Variants in FABP4 observed in about 807,000 individuals in gnomAD.
FABP4 encodes the protein fatty acid binding protein 4.
In FABP4, 17 loss-of-function variants were observed where a neutral mutation model predicts 14.6. That is an observed-to-expected ratio of 1.16 (90% CI 0.80 to 1.74). FABP4 has a LOEUF of 1.74. Among genes scored for constraint, FABP4 ranks in the 40% most tolerant of loss-of-function variants. The pLI is 0.00. For synonymous variants in FABP4, 54 were observed against 54.6 expected, an observed-to-expected ratio of 0.99 and a Z score of 0.05; for missense variants, 149 against 160.3, an observed-to-expected ratio of 0.93 and a Z score of 0.38.
rs776736466 is a variant in FABP4 at position 81,480,609 on chromosome 8, G to GA, written c.74-12dup. 3.2e-5 allele frequency: 51 copies of GA among 1,590,172 alleles called. No homozygotes were observed. The highest frequency in any genetic ancestry group is 1.4e-4 in the South Asian group (12 of 87,404). On this transcript the variant is annotated splice_polypyrimidine_tract_variant and intron_variant, in intron 1 of 3. Transcript: ENST00000256104. ...TGGCAAAGCCCACTCCTACAGTTAGGAAAAGAAAAGATGTCAGATTTACAT... is the reference window on the plus strand; with the variant it reads ...TGGCAAAGCCCACTCCTACAGTTAGGAAAAAGAAAAGATGTCAGATTTACAT...
Position 81,479,383 on chromosome 8 carries a change from A to T in FABP4, c.348+31T>A, listed in dbSNP as rs201613836. The T allele has an allele frequency of 1.1e-5, 17 of 1,525,854 alleles. No individual in the cohort carries two copies. In the East Asian group the frequency reaches 3.6e-4, roughly 32 times the overall value. The allele number at this position is 1,525,854 out of a possible 1,614,324, so 94.5% of individuals were successfully genotyped here. On this transcript the variant is annotated intron_variant, in intron 3 of 3. Coordinates refer to ENST00000256104, the MANE Select transcript of FABP4 (RefSeq NM_001442.3). ...GATCATGAGATAACCTAGCAGTAAG[A>T]TCCAGAATTAAGTAGCTAGAAGATA...
chr8:81,478,856 TC>T lies in FABP4; in HGVS notation c.*8del. ...ATGCGAACTTCAGTCCAGGTCAACG[TC>T]CCTTGGCTTATGCTCTCTCATAAAC... On this transcript the variant is annotated 3_prime_UTR_variant, in exon 4 of 4. Transcript: ENST00000256104. 3 of 1,612,402 alleles carry T rather than the reference TC, an allele frequency of 1.9e-6. No homozygotes were observed.
At chr8:81,479,666 AAAC>A (rs1554572619) in intron 2 of FABP4, 151 bp from the exon 3 acceptor site, 4 of 556,128 alleles carry the variant, frequency 7.2e-6, no homozygotes, top group Non-Finnish European at 9.6e-6. Flanking sequence ...TGAGTCTCAA[AAAC>A]AACAACATAA....
In FABP4 at chr8:81,483,184, G is replaced by T; in HGVS notation, c.-17C>A. 1 of 1,602,436 alleles carries T rather than the reference G, an allele frequency of 6.2e-7. No homozygotes were observed. The highest frequency in any genetic ancestry group is 8.5e-7 in the Non-Finnish European group (1 of 1,174,148). On this transcript the variant is annotated 5_prime_UTR_variant, in exon 1 of 4. Coordinates refer to ENST00000256104, the MANE Select transcript of FABP4 (RefSeq NM_001442.3). The stretch of plus-strand genomic sequence containing the variant: ...ATCACACATTTTGTGAGTTTTCTAG[G>T]ATTATTCTTCAAGGTGAGAAGGAAG...
intron 1 of FABP4, among the ~76,000 whole-genome samples, chr8:81,482,600 C>A (rs1454808558): frequency 6.6e-6 from 1 of 152,144 alleles, no homozygotes; most frequent in Non-Finnish European, 1.5e-5. Flanking sequence ...AAAACAACCA[C>A]ATATTTTAAT....
chr8:81,482,241 A>G (rs913533052), intron 1 of FABP4, among the ~76,000 whole-genome samples: 1 of 152,190 alleles, frequency 6.6e-6, no homozygotes, highest in Non-Finnish European at 1.5e-5. Context: ...CTAAGATTGC[A>G]TAAAATTCCT....
At position 81,478,584 on chromosome 8, in the gene FABP4, TA is replaced by T. The variant is rs372701687; in HGVS notation, c.*280del. Reference sequence around the variant, plus strand: ...TACCTTGAATTATTATGAAATATGTTATTATTCATATCAGAACAAAGAAATA... The same window carrying T: ...TACCTTGAATTATTATGAAATATGTTTTATTCATATCAGAACAAAGAAATA... On this transcript the variant is annotated 3_prime_UTR_variant, in exon 4 of 4. Transcript: ENST00000256104. The T allele has an allele frequency of 5.0e-4, 149 of 297,332 alleles. 1 individual carries two copies. Among genetic ancestry groups the T allele is most frequent in the African/African-American group, 2.9e-3 (136 of 46,424 alleles). 18.4% of individuals were successfully genotyped at this position (297,332 alleles called of 1,614,324 possible). A position where few individuals can be genotyped will look rare whatever the true frequency, so the allele number is the denominator to read the frequency against.
rs138926779 is a variant in FABP4 at position 81,479,052 on chromosome 8, T to C, written c.349-137A>G. ...TGGACTCCTATATATGTAACCCATA[T>C]ATTGTAATAAGATAGGGAGATATAA... On this transcript the variant is annotated intron_variant, in intron 3 of 3. Transcript: ENST00000256104. The C allele has an allele frequency of 2.7e-4, 199 of 730,696 alleles. 1 individual carries two copies. The African/African-American group carries it at 3.1e-3, about 11-fold the overall frequency. The allele number at this position is 730,696 out of a possible 1,614,324, so 45.3% of individuals were successfully genotyped here.
intron 1 of FABP4, among the ~76,000 whole-genome samples, chr8:81,481,529 G>A (rs1808079316): frequency 1.3e-5 from 2 of 152,196 alleles, no homozygotes; most frequent in African/African-American, 4.8e-5. Context: ...GTTTATGGCA[G>A]TCATAGATTT....
Position 81,483,128 on chromosome 8 carries a change from T to C in FABP4, c.40A>G (p.Ser14Gly). The change falls in exon 1 of 4, where the codon AGT (serine) becomes GGT (glycine). Residue 14 changes from serine (S) to glycine (G), a missense_variant. Physicochemically the swap from Ser to Gly is moderately conservative, Grantham distance 56. Coordinates refer to ENST00000256104, the MANE Select transcript of FABP4 (RefSeq NM_001442.3). ...AFVGTWKLVSSENFDDYMKEV... is the reference protein window; with the variant it reads ...AFVGTWKLVSGENFDDYMKEV... ...TTCATATAATCATCAAAGTTTTCACTGGAGACAAGTTTCCAGGTACCTACA... is the reference window on the plus strand; with the variant it reads ...TTCATATAATCATCAAAGTTTTCACCGGAGACAAGTTTCCAGGTACCTACA... 6.2e-7 allele frequency: 1 copy of C among 1,610,186 alleles called. No homozygotes were observed. Among genetic ancestry groups the C allele is most frequent in the Non-Finnish European group, 8.5e-7 (1 of 1,178,254 alleles).
Position 81,478,825 on chromosome 8 carries a change from A to AG in FABP4, c.*39dup. ...CAATATATCCCACAGAATGTTGTAGAGTTCAATGCGAACTTCAGTCCAGGT... is the reference window on the plus strand; with the variant it reads ...CAATATATCCCACAGAATGTTGTAGAGGTTCAATGCGAACTTCAGTCCAGGT... On this transcript the variant is annotated 3_prime_UTR_variant, in exon 4 of 4. Transcript: ENST00000256104. 6.4e-7 allele frequency: 1 copy of AG among 1,566,002 alleles called. No individual in the cohort carries two copies. Among genetic ancestry groups the AG allele is most frequent in the Non-Finnish European group, 8.8e-7 (1 of 1,141,856 alleles).
intron 2 of FABP4, 29 bp from the exon 3 acceptor site, chr8:81,479,544 T>C: frequency 1.3e-6 from 2 of 1,564,340 alleles, no homozygotes; most frequent in Non-Finnish European, 1.8e-6. Flanking sequence ...GTAATGACAA[T>C]GTGCAGAGGG....
rs2129805071 is a variant in FABP4 at position 81,483,205 on chromosome 8, G to A, written c.-38C>T. ...CTAGGATTATTCTTCAAGGTGAGAA[G>A]GAAGCTGCAGTTTTCAGGAGGGTGC... On this transcript the variant is annotated 5_prime_UTR_variant, in exon 1 of 4. Coordinates refer to ENST00000256104, the MANE Select transcript of FABP4 (RefSeq NM_001442.3). 6.4e-7 allele frequency: 1 copy of A among 1,558,560 alleles called. No homozygotes were observed. Among genetic ancestry groups the A allele is most frequent in the Non-Finnish European group, 8.8e-7 (1 of 1,139,396 alleles).
In FABP4 at chr8:81,478,842, A is replaced by G. The variant is rs774003640; in HGVS notation, c.*23T>C. 3 of 1,607,506 alleles carry G rather than the reference A, an allele frequency of 1.9e-6. No individual in the cohort carries two copies. Among genetic ancestry groups the G allele is most frequent in the South Asian group, 2.2e-5 (2 of 90,432 alleles). On this transcript the variant is annotated 3_prime_UTR_variant, in exon 4 of 4. Coordinates refer to ENST00000256104, the MANE Select transcript of FABP4 (RefSeq NM_001442.3). ...TGTTGTAGAGTTCAATGCGAACTTC[A>G]GTCCAGGTCAACGTCCCTTGGCTTA...
In FABP4 at chr8:81,482,142, A is replaced by C. The variant is rs1445228317; in HGVS notation, c.73+953T>G. Among the ~76,000 whole-genome samples, 3 of 149,970 alleles carry C rather than the reference A, an allele frequency of 2.0e-5. No individual in the cohort carries two copies. In the East Asian group the frequency reaches 6.6e-4, roughly 33 times the overall value. On this transcript the variant is annotated intron_variant, in intron 1 of 3. Coordinates refer to ENST00000256104, the MANE Select transcript of FABP4 (RefSeq NM_001442.3). ...ATTTCCCTATCATCTAAAAACAAGAAACATAGTTACAGACAAGCAAAAAAA... is the reference window on the plus strand; with the variant it reads ...ATTTCCCTATCATCTAAAAACAAGACACATAGTTACAGACAAGCAAAAAAA...
At chr8:81,483,001 A>T (rs1388731691) in intron 1 of FABP4, 94 bp downstream of exon 1, 1 of 914,938 alleles carries the variant, frequency 1.1e-6, no homozygotes, top group Non-Finnish European at 1.6e-6. Context: ...ATTTCTGGCC[A>T]GGGCTTCCAG....
At chr8:81,479,579 G>T in intron 2 of FABP4, 64 bp from the exon 3 acceptor site, 1 of 1,159,728 alleles carries the variant, frequency 8.6e-7, no homozygotes, top group Non-Finnish European at 1.3e-6. Context: ...TTAAAATAGA[G>T]TGCCTTTGTT....
intron 3 of FABP4, 85 bp downstream of exon 3, chr8:81,479,329 G>A (rs1045953460): frequency 1.8e-6 from 2 of 1,089,306 alleles, no homozygotes; most frequent in African/African-American, 3.2e-5. Context: ...ATAATCAAAA[G>A]GAAAATCTGT....
chr8:81,478,849 G>T lies in FABP4; in HGVS notation c.*16C>A, dbSNP rs1217042320. 1 of 1,610,940 alleles carries T rather than the reference G, an allele frequency of 6.2e-7. No homozygotes were observed. Among genetic ancestry groups the T allele is most frequent in the Non-Finnish European group, 8.5e-7 (1 of 1,177,780 alleles). On this transcript the variant is annotated 3_prime_UTR_variant, in exon 4 of 4. Coordinates refer to ENST00000256104, the MANE Select transcript of FABP4 (RefSeq NM_001442.3). The stretch of plus-strand genomic sequence containing the variant: ...GAGTTCAATGCGAACTTCAGTCCAG[G>T]TCAACGTCCCTTGGCTTATGCTCTC...
Sources: gnomAD v4.1 joint callset for allele counts (sites outside exome capture counted in the v4.1 genomes callset) on GRCh38, gnomAD v4.1.1 for gene constraint, MANE v1.5 for transcripts, NCBI Gene and HGNC (gene_info 2026-07-23, HGNC 2026-07-21) for gene names.